Variants in SRL observed in about 807,000 individuals in gnomAD.
The protein encoded by SRL is sarcalumenin.
A neutral mutation model predicts 39.5 loss-of-function variants in SRL; 23 were observed. That is an observed-to-expected ratio of 0.58 (90% CI 0.42 to 0.82). The LOEUF (loss-of-function observed/expected upper bound fraction) is 0.82. Ranked by LOEUF, SRL falls within the 40% of genes least tolerant of loss-of-function variation. SRL has a pLI of 0.00. For synonymous variants in SRL, 272 were observed against 237.4 expected, an observed-to-expected ratio of 1.15 and a Z score of -1.34; for missense variants, 592 against 607.8, an observed-to-expected ratio of 0.97 and a Z score of 0.27.
chr16:4,216,700 T>C (rs1004065489), intron 1 of SRL, among the ~76,000 whole-genome samples: 24 of 152,312 alleles, frequency 1.6e-4, no homozygotes, highest in African/African-American at 4.3e-4. Flanking sequence ...CAGCCGTGCC[T>C]GCAGTGAACA....
intron 1 of SRL, among the ~76,000 whole-genome samples, chr16:4,235,422 G>A (rs2052704695): frequency 6.6e-6 from 1 of 152,220 alleles, no homozygotes; most frequent in Admixed American, 6.5e-5. Context: ...TCAGCTGCGT[G>A]CAGTGGCTCA....
chr16:4,229,640 G>T (rs901352946), intron 1 of SRL, among the ~76,000 whole-genome samples: 5 of 151,888 alleles, frequency 3.3e-5, no homozygotes, highest in Non-Finnish European at 5.9e-5. Context: ...ATGGGGGAGT[G>T]AGAAAGAGGA....
intron 1 of SRL, among the ~76,000 whole-genome samples, chr16:4,239,930 T>C (rs1216987065): frequency 6.7e-6 from 1 of 150,014 alleles, no homozygotes; most frequent in Non-Finnish European, 1.5e-5. Context: ...GGTCGGGAGG[T>C]GGAAACCGGG....
intron 1 of SRL, among the ~76,000 whole-genome samples, chr16:4,228,154 G>C (rs562079391): frequency 6.6e-6 from 1 of 152,372 alleles, no homozygotes; most frequent in South Asian, 2.1e-4. Flanking sequence ...GAAAAGGCCT[G>C]AAGGCCGGGA....
At chr16:4,214,082 C>T (rs1435363397) in intron 1 of SRL, among the ~76,000 whole-genome samples, 1 of 152,160 alleles carries the variant, frequency 6.6e-6, no homozygotes, top group African/African-American at 2.4e-5. Flanking sequence ...ACCAGCATTT[C>T]GGACCCTCTG....
At chr16:4,224,540 T>C (rs1371924042) in intron 1 of SRL, among the ~76,000 whole-genome samples, 2 of 152,112 alleles carry the variant, frequency 1.3e-5, no homozygotes, top group African/African-American at 2.4e-5. Flanking sequence ...ACCTCAGCTC[T>C]ATAAAAATTT....
At chr16:4,221,369 T>A (rs981848976) in intron 1 of SRL, among the ~76,000 whole-genome samples, 3 of 152,220 alleles carry the variant, frequency 2.0e-5, no homozygotes, top group Non-Finnish European at 4.4e-5. Flanking sequence ...TTCTTTTCCC[T>A]TGGCAGCCTC....
Position 4,204,564 on chromosome 16 carries a change from C to G in SRL, c.132G>C (p.Leu44=). The G allele has an allele frequency of 6.2e-7, 1 of 1,614,200 alleles. No homozygotes were observed. The highest frequency in any genetic ancestry group is 8.5e-7 in the Non-Finnish European group (1 of 1,180,028). The change falls in exon 2 of 6, where the codon CTG becomes CTC. Residue 44 remains leucine (L), a synonymous_variant. Coordinates refer to ENST00000399609, the MANE Select transcript of SRL (RefSeq NM_001098814.2). ...AGTCATCGGATGGCTTGTCCTCATT[C>G]AGCATGAGGGTCTTCTCGATGTGGG... ...DRSHIEKTLM[L]NEDKPSDDYS... is the part of the protein sequence containing the mutation.
chr16:4,226,944 A>G (rs1392391474), intron 1 of SRL, among the ~76,000 whole-genome samples: 1 of 151,396 alleles, frequency 6.6e-6, no homozygotes, highest in East Asian at 2.0e-4. Flanking sequence ...GGATGGGTGG[A>G]TGGATGAGTA....
At chr16:4,219,082 T>C (rs1268965965) in intron 1 of SRL, among the ~76,000 whole-genome samples, 3 of 152,236 alleles carry the variant, frequency 2.0e-5, no homozygotes, top group African/African-American at 7.2e-5. Context: ...GGCTCTAGAA[T>C]CAGAAAGAAA....
At chr16:4,195,852 T>G in intron 4 of SRL, 66 bp from the exon 5 acceptor site, 1 of 1,364,380 alleles carries the variant, frequency 7.3e-7, no homozygotes, top group Non-Finnish European at 1.0e-6. Flanking sequence ...CTGAGAAGCA[T>G]GTGTATATGC....
chr16:4,207,940 C>T (rs1315285046), intron 1 of SRL: 1 of 456,628 alleles, frequency 2.2e-6, no homozygotes, highest in Non-Finnish European at 4.4e-6. Flanking sequence ...GGGCTCTCGG[C>T]CTCCCTGCCA....
intron 4 of SRL, 123 bp from the exon 5 acceptor site, chr16:4,195,909 A>G: frequency 2.7e-6 from 2 of 751,754 alleles, no homozygotes; most frequent in Non-Finnish European, 2.1e-6. Context: ...TATGTTTGCC[A>G]AGCTATTGGG....
chr16:4,241,919 A>T (rs2141076975), intron 1 of SRL, 88 bp downstream of exon 1: 1 of 1,470,130 alleles, frequency 6.8e-7, no homozygotes, highest in Non-Finnish European at 9.5e-7. Context: ...ATCAGCCCCG[A>T]CCCCCTACCC....
chr16:4,224,967 G>T (rs1567187108), intron 1 of SRL, among the ~76,000 whole-genome samples: 1 of 152,202 alleles, frequency 6.6e-6, no homozygotes, highest in African/African-American at 2.4e-5. Context: ...GGAAGACACG[G>T]TGGTAAGTGA....
chr16:4,204,592 C>T lies in SRL; in HGVS notation c.104G>A (p.Arg35His), dbSNP rs758999067. ...CATGAGGGTCTTCTCGATGTGGGAG[C>T]GGTCCCTCAATGGGGCTTCTTCATT... The part of the protein sequence containing the change: ...DANEEAPLRD[R>H]SHIEKTLMLN... Residue 35 changes from arginine to histidine, a missense_variant, in exon 2 of 6, where the codon CGC (arginine) becomes CAC (histidine). Coordinates refer to ENST00000399609, the MANE Select transcript of SRL (RefSeq NM_001098814.2). 9 of 1,614,038 alleles carry T rather than the reference C, an allele frequency of 5.6e-6. No homozygotes were observed. The highest frequency in any genetic ancestry group is 1.1e-5 in the South Asian group (1 of 91,082).
At chr16:4,203,030 C>T (rs1215790878) in intron 3 of SRL, 136 bp downstream of exon 3, 3 of 778,212 alleles carry the variant, frequency 3.9e-6, no homozygotes, top group Admixed American at 2.1e-5. Context: ...ACCCACAAGT[C>T]CTTGCACACA....
Position 4,197,803 on chromosome 16 carries a change from A to G in SRL, c.372T>C (p.Tyr124=), listed in dbSNP as rs373431364. The change falls in exon 4 of 6, where the codon TAT becomes TAC. Residue 124 remains tyrosine, a synonymous_variant. Transcript: ENST00000399609. ...TCACACAAGAATATTGATTACCTGTATAGAGCTGATAGCGAGTATTTTCCA... is the reference window on the plus strand; with the variant it reads ...TCACACAAGAATATTGATTACCTGTGTAGAGCTGATAGCGAGTATTTTCCA... ...LGLENTRYQL[Y]TGAEPTTSEF... The G allele has an allele frequency of 6.3e-7, 1 of 1,586,026 alleles. No individual in the cohort carries two copies. The highest frequency in any genetic ancestry group is 1.7e-4 in the Middle Eastern group (1 of 5,982).
intron 3 of SRL, among the ~76,000 whole-genome samples, chr16:4,200,419 G>A (rs953433113): frequency 1.5e-4 from 23 of 152,188 alleles, no homozygotes; most frequent in African/African-American, 2.4e-4. Flanking sequence ...AGGGGGCACC[G>A]CTGGCCTATA....
Sources: gnomAD v4.1 joint callset for allele counts (sites outside exome capture counted in the v4.1 genomes callset) on GRCh38, gnomAD v4.1.1 for gene constraint, MANE v1.5 for transcripts, NCBI Gene and HGNC (gene_info 2026-07-23, HGNC 2026-07-21) for gene names.